Variants in TYW1B observed in about 807,000 individuals in gnomAD.
The protein encoded by TYW1B is S-adenosyl-L-methionine-dependent tRNA 4-demethylwyosine synthase TYW1B.
TYW1B carries 73 observed loss-of-function variants against 86.9 expected under a neutral mutation model. That is an observed-to-expected ratio of 0.84 (90% CI 0.70 to 1.02). The LOEUF (loss-of-function observed/expected upper bound fraction) is 1.02, where lower values mean the gene tolerates loss of function less well. Ranked by LOEUF, TYW1B falls within the 50% of genes least tolerant of loss-of-function variation. The pLI is 0.00. For synonymous variants in TYW1B, 248 were observed against 292.8 expected (o/e 0.85, Z 1.56); for missense variants, 637 against 827.4 (o/e 0.77, Z 2.82).
intron 13 of TYW1B, among the ~76,000 whole-genome samples, chr7:72,593,036 C>T (rs1811433063): frequency 6.6e-6 from 1 of 152,160 alleles, no homozygotes; most frequent in Non-Finnish European, 1.5e-5. Context: ...GGCACGGTGG[C>T]TCACACCTGT....
At chr7:72,708,534 T>G (rs1814665830) in intron 10 of TYW1B, among the ~76,000 whole-genome samples, 1 of 152,164 alleles carries the variant, frequency 6.6e-6, no homozygotes, top group African/African-American at 2.4e-5. Context: ...ACTTGCTGTA[T>G]GAGCTGACTT....
intron 11 of TYW1B, among the ~76,000 whole-genome samples, chr7:72,629,461 T>C (rs782511517): frequency 6.6e-6 from 1 of 152,226 alleles, no homozygotes; most frequent in African/African-American, 2.4e-5. Flanking sequence ...TTGGCATTTC[T>C]TGCTGGCAGA....
intron 8 of TYW1B, among the ~76,000 whole-genome samples, chr7:72,731,410 A>AC (rs1333413291): frequency 1.4e-4 from 21 of 150,704 alleles, no homozygotes; most frequent in Admixed American, 9.9e-4. Flanking sequence ...AAAAAAAAAA[A>AC]AAAAACAAGA....
intron 11 of TYW1B, among the ~76,000 whole-genome samples, chr7:72,647,577 A>C (rs1403867150): frequency 2.0e-5 from 3 of 152,210 alleles, no homozygotes; most frequent in Non-Finnish European, 2.9e-5. Context: ...CATCCTCCTA[A>C]CAATAGCAGG....
chr7:72,772,382 G>C (rs544869916), intron 7 of TYW1B, among the ~76,000 whole-genome samples: 1 of 152,244 alleles, frequency 6.6e-6, no homozygotes, highest in East Asian at 1.9e-4. Context: ...TAAAACAAAA[G>C]TAATGATATA....
At chr7:72,789,149 A>AT (rs1788177790) in intron 6 of TYW1B, among the ~76,000 whole-genome samples, 2 of 140,868 alleles carry the variant, frequency 1.4e-5, no homozygotes. Flanking sequence ...ACGTGAATTT[A>AT]TTTTGAGACA....
chr7:72,672,690 T>G (rs782137437), intron 11 of TYW1B, among the ~76,000 whole-genome samples: 7 of 152,162 alleles, frequency 4.6e-5, no homozygotes, highest in Non-Finnish European at 8.8e-5. Context: ...GGACAGTAAC[T>G]GTAGATTTTG....
At position 72,786,866 on chromosome 7, in the gene TYW1B, C is replaced by T. The variant is rs142955934; in HGVS notation, c.847-9333G>A. Among the ~76,000 whole-genome samples, 793 of 152,122 alleles carry T rather than the reference C, an allele frequency of 5.2e-3. 3 individuals carry two copies. Among genetic ancestry groups the T allele is most frequent in the Non-Finnish European group, 8.0e-3 (541 of 67,990 alleles). On this transcript the variant is annotated intron_variant, in intron 6 of 13. Transcript: ENST00000620995. ...CTGGGATTACAGGCATGAGCCACTG[C>T]GCCCTGCTAAACAAAGCTTTTAAAT...
At chr7:72,759,897 C>T (rs1554466918) in intron 7 of TYW1B, among the ~76,000 whole-genome samples, 2 of 152,068 alleles carry the variant, frequency 1.3e-5, no homozygotes, top group African/African-American at 4.8e-5. Context: ...AAAAATTAAT[C>T]TCTAAAAGAA....
At chr7:72,643,907 A>T (rs1436877107) in intron 11 of TYW1B, among the ~76,000 whole-genome samples, 3 of 152,156 alleles carry the variant, frequency 2.0e-5, no homozygotes, top group Non-Finnish European at 4.4e-5. Flanking sequence ...TGAGGTCACC[A>T]TAATACTGAT....
At chr7:72,619,367 C>A (rs1426542809) in intron 12 of TYW1B, among the ~76,000 whole-genome samples, 1 of 152,236 alleles carries the variant, frequency 6.6e-6, no homozygotes, top group Middle Eastern at 3.4e-3. Flanking sequence ...ACGGGCCGGG[C>A]GCGGTGGCTC....
chr7:72,764,428 G>T (rs1252974824), intron 7 of TYW1B, among the ~76,000 whole-genome samples: 1 of 152,030 alleles, frequency 6.6e-6, no homozygotes. Flanking sequence ...GACTACAGGC[G>T]CCCGCCACCA....
At chr7:72,690,915 T>C (rs1192492410) in intron 11 of TYW1B, among the ~76,000 whole-genome samples, 3 of 151,982 alleles carry the variant, frequency 2.0e-5, no homozygotes, top group Non-Finnish European at 4.4e-5. Context: ...TCCTGGCTAA[T>C]TGTTTTTTTG....
chr7:72,691,381 T>C (rs1392479330), intron 11 of TYW1B, among the ~76,000 whole-genome samples: 1 of 152,190 alleles, frequency 6.6e-6, no homozygotes, highest in African/African-American at 2.4e-5. Context: ...CCAACAAGAA[T>C]TACATAGAGA....
At chr7:72,594,178 A>T (rs1319161498) in intron 13 of TYW1B, among the ~76,000 whole-genome samples, 2 of 152,082 alleles carry the variant, frequency 1.3e-5, no homozygotes, top group African/African-American at 4.8e-5. Flanking sequence ...AGATTAACAA[A>T]ATAGAGAATA....
intron 9 of TYW1B, among the ~76,000 whole-genome samples, chr7:72,721,392 A>T (rs1554457490): frequency 6.6e-6 from 1 of 152,082 alleles, no homozygotes; most frequent in Non-Finnish European, 1.5e-5. Context: ...ATTTCTCCAC[A>T]TCCTCTCCAG....
intron 1 of TYW1B, 121 bp downstream of exon 1, chr7:72,827,951 T>A (rs782777550): frequency 6.1e-5 from 94 of 1,548,632 alleles, no homozygotes; most frequent in Non-Finnish European, 8.1e-5. Context: ...TAGCCGGTGC[T>A]GTCAAGTGCA....
At chr7:72,695,949 CTTTTT>C (rs1159991591) in intron 10 of TYW1B, among the ~76,000 whole-genome samples, 3 of 93,748 alleles carry the variant, frequency 3.2e-5, no homozygotes, top group Non-Finnish European at 2.2e-5. Flanking sequence ...TTTTTCTTTT[CTTTTT>C]TTTTTTTTTT....
intron 9 of TYW1B, among the ~76,000 whole-genome samples, chr7:72,716,805 ATTT>A (rs71071904): frequency 7.3e-6 from 1 of 136,464 alleles, no homozygotes; most frequent in Non-Finnish European, 1.5e-5. Context: ...CGTCTGGCTA[ATTT>A]TTTTTTTTTT....
Sources: allele counts gnomAD v4.1 joint callset (sites outside exome capture counted in the v4.1 genomes callset), GRCh38; gene constraint gnomAD v4.1.1; transcripts MANE v1.5; gene names NCBI Gene and HGNC (gene_info 2026-07-23, HGNC 2026-07-21).